The following MAF variants were observed in gnomAD, a reference collection of about 807,000 sequenced individuals.
MAF encodes the protein transcription factor Maf.
MAF carries 10 observed loss-of-function variants against 22.0 expected under a neutral mutation model. The observed-to-expected ratio is 0.45, with a 90% confidence interval of 0.28 to 0.77. The LOEUF (loss-of-function observed/expected upper bound fraction) is 0.77, where lower values mean the gene tolerates loss of function less well. Ranked by LOEUF, MAF falls within the 30% of genes least tolerant of loss-of-function variation. MAF has a pLI of 0.12. For synonymous variants in MAF, 337 were observed against 255.8 expected (o/e 1.32, Z -3.03); for missense variants, 544 against 548.4 (o/e 0.99, Z 0.08).
the MAF span, among the ~76,000 whole-genome samples, chr16:79,439,145 T>G: frequency 1.3e-5 from 2 of 152,096 alleles, no homozygotes; most frequent in Non-Finnish European, 2.9e-5. Context: ...TTGCGTTCAT[T>G]CATCGTTCAT....
the MAF span, among the ~76,000 whole-genome samples, chr16:79,434,514 CT>C: frequency 6.6e-6 from 1 of 152,072 alleles, no homozygotes; most frequent in African/African-American, 2.4e-5. Context: ...ATGATGTGAG[CT>C]CCCATTGGCT....
the MAF span, among the ~76,000 whole-genome samples, chr16:79,353,924 T>G: frequency 6.6e-6 from 1 of 152,132 alleles, no homozygotes; most frequent in African/African-American, 2.4e-5. Context: ...CACTGCACAC[T>G]TACCAGCATG....
At chr16:79,318,916 C>T in the MAF span, among the ~76,000 whole-genome samples, 1 of 152,152 alleles carries the variant, frequency 6.6e-6, no homozygotes. Flanking sequence ...TCACCTGAGC[C>T]TCAACAGCCA....
At chr16:79,379,863 C>A in the MAF span, among the ~76,000 whole-genome samples, 101 of 152,142 alleles carry the variant, frequency 6.6e-4, no homozygotes, top group Non-Finnish European at 5.3e-4. Flanking sequence ...GGGTGCCTCA[C>A]TGAGGACTCA....
At chr16:79,283,257 C>G in the MAF span, among the ~76,000 whole-genome samples, 1 of 152,118 alleles carries the variant, frequency 6.6e-6, no homozygotes, top group African/African-American at 2.4e-5. Flanking sequence ...CAATGATGAA[C>G]AAAGAAAACC....
At chr16:79,254,956 C>T in the MAF span, among the ~76,000 whole-genome samples, 2 of 152,164 alleles carry the variant, frequency 1.3e-5, no homozygotes, top group South Asian at 2.1e-4. Flanking sequence ...CCCAGGTCAA[C>T]GTATTCATGA....
the MAF span, among the ~76,000 whole-genome samples, chr16:79,537,394 A>AT: frequency 6.7e-6 from 1 of 149,980 alleles, no homozygotes; most frequent in Non-Finnish European, 1.5e-5. Context: ...TCAATCATGT[A>AT]TATGTTTCAC....
At chr16:79,403,981 AACTC>A in the MAF span, among the ~76,000 whole-genome samples, 2 of 151,986 alleles carry the variant, frequency 1.3e-5, no homozygotes. Flanking sequence ...TAATAAAACA[AACTC>A]ACCTCCGTCC....
chr16:79,400,805 AGCAGTC>A, the MAF span, among the ~76,000 whole-genome samples: 6 of 152,376 alleles, frequency 3.9e-5, no homozygotes, highest in African/African-American at 1.2e-4. Flanking sequence ...GTGAAACTAC[AGCAGTC>A]GACTTTCAAC....
chr16:79,469,863 G>A, the MAF span, among the ~76,000 whole-genome samples: 27 of 152,258 alleles, frequency 1.8e-4, no homozygotes, highest in East Asian at 4.6e-3. Context: ...CCAAAGTGCT[G>A]AGATTACAGG....
chr16:79,346,000 G>A, the MAF span, among the ~76,000 whole-genome samples: 8 of 151,846 alleles, frequency 5.3e-5, no homozygotes, highest in Non-Finnish European at 1.2e-4. Flanking sequence ...TAAATCAGCA[G>A]CTTTTCTACT....
the MAF span, among the ~76,000 whole-genome samples, chr16:79,293,049 A>T: frequency 3.1e-4 from 47 of 152,282 alleles, no homozygotes; most frequent in East Asian, 8.1e-3. Flanking sequence ...AATATACTCA[A>T]ATGAGTAGCC....
At chr16:79,527,548 T>G in the MAF span, among the ~76,000 whole-genome samples, 1 of 152,190 alleles carries the variant, frequency 6.6e-6, no homozygotes, top group African/African-American at 2.4e-5. Flanking sequence ...TCTGGGGGCC[T>G]TCCATTCCAC....
At chr16:79,358,335 C>T in the MAF span, among the ~76,000 whole-genome samples, 217 of 152,274 alleles carry the variant, frequency 1.4e-3, 2 homozygotes, top group African/African-American at 5.0e-3. Context: ...TTCCAAGGTA[C>T]ATCAGTATGA....
At chr16:79,270,120 C>G in the MAF span, among the ~76,000 whole-genome samples, 1 of 151,770 alleles carries the variant, frequency 6.6e-6, no homozygotes, top group Non-Finnish European at 1.5e-5. Flanking sequence ...AGGTGAAGGG[C>G]CTAGAAGATC....
chr16:79,577,925 G>A, the MAF span, among the ~76,000 whole-genome samples: 1 of 152,068 alleles, frequency 6.6e-6, no homozygotes, highest in African/African-American at 2.4e-5. Context: ...TGCAGAAACT[G>A]AGCTCTGGGT....
the MAF span, among the ~76,000 whole-genome samples, chr16:79,207,424 T>G: frequency 7.9e-5 from 12 of 152,236 alleles, no homozygotes; most frequent in African/African-American, 2.7e-4. Context: ...AAAGGGCTGT[T>G]CTCCTTCCCT....
At chr16:79,375,281 T>A in the MAF span, among the ~76,000 whole-genome samples, 6 of 152,126 alleles carry the variant, frequency 3.9e-5, no homozygotes, top group Admixed American at 6.5e-5. Flanking sequence ...CATAAAAGGG[T>A]TCAAGGCATT....
At chr16:79,422,027 C>T in the MAF span, among the ~76,000 whole-genome samples, 3 of 152,338 alleles carry the variant, frequency 2.0e-5, no homozygotes, top group East Asian at 5.8e-4. Flanking sequence ...ATCCACCCGC[C>T]TTGGCCTCCC....
Sources: allele counts gnomAD v4.1 joint callset (sites outside exome capture counted in the v4.1 genomes callset), GRCh38; gene constraint gnomAD v4.1.1; transcripts MANE v1.5; gene names NCBI Gene and HGNC (gene_info 2026-07-23, HGNC 2026-07-21).